COL13A1: variants seen among roughly 807,000 people sequenced by gnomAD.
COL13A1 encodes collagen alpha-1(XIII) chain.
In COL13A1, 89 loss-of-function variants were observed where a neutral mutation model predicts 130.9. The ratio of observed to expected loss-of-function variants is 0.68; its 90% CI spans 0.57 to 0.81. The LOEUF (loss-of-function observed/expected upper bound fraction) is 0.81. Ranked by LOEUF, COL13A1 falls within the 30% of genes least tolerant of loss-of-function variation. The probability of loss-of-function intolerance (pLI) is 0.00; values close to 1 mark genes in which losing one functional copy is unlikely to be tolerated. For synonymous variants in COL13A1, 402 were observed against 341.6 expected, an observed-to-expected ratio of 1.18 and a Z score of -1.95; for missense variants, 879 against 934.6, an observed-to-expected ratio of 0.94 and a Z score of 0.78.
Position 69,904,913 on chromosome 10 carries a change from T to G in COL13A1, c.859-20T>G. 1 of 1,532,084 alleles carries G rather than the reference T, an allele frequency of 6.5e-7. No homozygotes were observed. Among genetic ancestry groups the G allele is most frequent in the South Asian group, 1.2e-5 (1 of 80,362 alleles). 94.9% of individuals were successfully genotyped at this position (1,532,084 alleles called of 1,614,324 possible). A position where few individuals can be genotyped will look rare whatever the true frequency, so the allele number is the denominator to read the frequency against. ...CTCACCTTTTCTTTTTTCTTTTTTT[T>G]TTTTTTTTTGCTTCCACAGGGCTTA... On this transcript the variant is annotated intron_variant, in intron 15 of 40. Coordinates refer to ENST00000645393, the MANE Select transcript of COL13A1 (RefSeq NM_001368882.1).
At chr10:69,853,047 C>A (rs1473436744) in intron 2 of COL13A1, among the ~76,000 whole-genome samples, 1 of 152,158 alleles carries the variant, frequency 6.6e-6, no homozygotes, top group African/African-American at 2.4e-5. Context: ...GGGCTCTGTG[C>A]AGCCCAGCAG....
At chr10:69,905,966 C>T (rs917970568) in intron 17 of COL13A1, 144 bp downstream of exon 17, 20 of 872,524 alleles carry the variant, frequency 2.3e-5, no homozygotes, top group Admixed American at 1.7e-4. Context: ...ACTGGCCCCC[C>T]GAGGGCCTGA....
At chr10:69,823,387 G>T (rs1846618692) in intron 2 of COL13A1, among the ~76,000 whole-genome samples, 1 of 152,234 alleles carries the variant, frequency 6.6e-6, no homozygotes, top group Non-Finnish European at 1.5e-5. Context: ...AAGGCCTAAA[G>T]AAGAGTTGCA....
intron 27 of COL13A1, among the ~76,000 whole-genome samples, chr10:69,928,490 A>T (rs1222899279): frequency 2.0e-5 from 3 of 152,214 alleles, no homozygotes; most frequent in African/African-American, 7.2e-5. Context: ...GCTCAGCAGA[A>T]TGTGTTTGAG....
chr10:69,821,301 A>G (rs1846015204), intron 1 of COL13A1, among the ~76,000 whole-genome samples: 1 of 152,220 alleles, frequency 6.6e-6, no homozygotes, highest in Non-Finnish European at 1.5e-5. Flanking sequence ...TGAAAGGCCT[A>G]TTTGGCCCTG....
chr10:69,946,168 C>G (rs1012931762), intron 37 of COL13A1, among the ~76,000 whole-genome samples: 1 of 151,468 alleles, frequency 6.6e-6, no homozygotes, highest in African/African-American at 2.4e-5. Flanking sequence ...CCATGACAGA[C>G]AAAGCTGCCA....
rs141394406 is a variant in COL13A1, at chr10:69,870,375, C to T, written c.373-1809C>T. On this transcript the variant is annotated intron_variant, in intron 3 of 40. Coordinates refer to ENST00000645393, the MANE Select transcript of COL13A1 (RefSeq NM_001368882.1). ...TCACCCAGGCTGGGGAGCAGTGGTG[C>T]GATCAAAGCTCACTGAAGCCTCAAT... Among the ~76,000 whole-genome samples the T allele has an allele frequency of 5.2e-3, 784 of 151,522 alleles. 3 individuals carry two copies. The highest frequency in any genetic ancestry group is 0.018 in the African/African-American group (737 of 41,332).
At chr10:69,903,015 C>T (rs1180510387) in intron 15 of COL13A1, among the ~76,000 whole-genome samples, 160 bp downstream of exon 15, 1 of 152,260 alleles carries the variant, frequency 6.6e-6, no homozygotes, top group Admixed American at 6.5e-5. Flanking sequence ...ATCCCCATCA[C>T]ACTCACCACC....
At chr10:69,919,800 C>T in intron 21 of COL13A1, 73 bp downstream of exon 21, 1 of 398,664 alleles carries the variant, frequency 2.5e-6, no homozygotes, top group East Asian at 3.6e-5. Context: ...TGGCCTTCCT[C>T]CATGGCTGGT....
At position 69,943,994 on chromosome 10, in the gene COL13A1, C is replaced by T. The variant is rs573633953; in HGVS notation, c.1915-131C>T. ...ATCACGGCCCAGTCGAATGACTGCC[C>T]TGAACGAGCCTGGCCTCGCCAACTC... On this transcript the variant is annotated intron_variant, in intron 35 of 40. Coordinates refer to ENST00000645393, the MANE Select transcript of COL13A1 (RefSeq NM_001368882.1). 3.1e-5 allele frequency: 22 copies of T among 706,744 alleles called. No homozygotes were observed. In the South Asian group the frequency reaches 3.4e-4, roughly 11 times the overall value. The allele number at this position is 706,744 out of a possible 1,614,324, so 43.8% of individuals were successfully genotyped here. A position where few individuals can be genotyped will look rare whatever the true frequency, so the allele number is the denominator to read the frequency against.
chr10:69,941,453 G>A (rs944390504), intron 35 of COL13A1, among the ~76,000 whole-genome samples: 12 of 152,140 alleles, frequency 7.9e-5, no homozygotes, highest in African/African-American at 1.7e-4. Flanking sequence ...GTCTTCCCAC[G>A]AGGGCCTCCT....
chr10:69,829,109 C>G (rs1848204494), intron 2 of COL13A1: 19 of 394,276 alleles, frequency 4.8e-5, no homozygotes, highest in Non-Finnish European at 6.6e-5. Flanking sequence ...CCTCTCCCAG[C>G]ATCTAAGCCA....
chr10:69,817,612 G>A (rs370347366), intron 1 of COL13A1, among the ~76,000 whole-genome samples: 6 of 152,082 alleles, frequency 3.9e-5, no homozygotes, highest in Non-Finnish European at 8.8e-5. Context: ...GTGTGCAGGG[G>A]TGGGGTAGGA....
At chr10:69,914,399 G>A (rs564562195) in intron 17 of COL13A1, among the ~76,000 whole-genome samples, 18 of 148,446 alleles carry the variant, frequency 1.2e-4, no homozygotes, top group Non-Finnish European at 2.4e-4. Context: ...GGGGTGGGTG[G>A]GAAGAGACAG....
chr10:69,874,148 T>C (rs926551979), intron 4 of COL13A1, among the ~76,000 whole-genome samples: 2 of 152,226 alleles, frequency 1.3e-5, no homozygotes, highest in Admixed American at 1.3e-4. Flanking sequence ...TGACCTTATG[T>C]GTTAATTTTA....
intron 7 of COL13A1, among the ~76,000 whole-genome samples, chr10:69,884,665 C>T (rs992385512): frequency 5.9e-5 from 9 of 152,186 alleles, no homozygotes; most frequent in Non-Finnish European, 1.3e-4. Flanking sequence ...TTCCCTTGTT[C>T]TTGTTCAGAA....
At chr10:69,803,813 G>A (rs1418974388) in intron 1 of COL13A1, among the ~76,000 whole-genome samples, 2 of 152,044 alleles carry the variant, frequency 1.3e-5, no homozygotes, top group African/African-American at 2.4e-5. Context: ...CTGAACATGC[G>A]AAACAGTGCT....
At chr10:69,876,288 C>G (rs2059561851) in intron 5 of COL13A1, among the ~76,000 whole-genome samples, 1 of 152,198 alleles carries the variant, frequency 6.6e-6, no homozygotes, top group East Asian at 1.9e-4. Context: ...TGAACTCAGA[C>G]AGCCCAACTC....
At chr10:69,855,833 C>T (rs1333539363) in intron 2 of COL13A1, among the ~76,000 whole-genome samples, 3 of 83,484 alleles carry the variant, frequency 3.6e-5, no homozygotes, top group Non-Finnish European at 5.6e-5. Context: ...TTAGTGTACC[C>T]AAACAGTTCC....
Sources: gnomAD v4.1 joint callset for allele counts (sites outside exome capture counted in the v4.1 genomes callset) on GRCh38, gnomAD v4.1.1 for gene constraint, MANE v1.5 for transcripts, NCBI Gene and HGNC (gene_info 2026-07-23, HGNC 2026-07-21) for gene names.